The following CDC14A variants were observed in gnomAD, a reference collection of about 807,000 sequenced individuals.
CDC14A encodes dual specificity protein phosphatase CDC14A.
A neutral mutation model predicts 74.4 loss-of-function variants in CDC14A; 53 were observed. The ratio of observed to expected loss-of-function variants is 0.71; its 90% CI spans 0.57 to 0.89. CDC14A has a LOEUF of 0.89. Ranked by LOEUF, CDC14A falls within the 40% of genes least tolerant of loss-of-function variation. CDC14A has a pLI of 0.00. For missense variants in CDC14A, 646 were observed against 713.7 expected, an observed-to-expected ratio of 0.91 and a Z score of 1.08; for synonymous variants, 247 against 258.4, an observed-to-expected ratio of 0.96 and a Z score of 0.43.
intron 5 of CDC14A, among the ~76,000 whole-genome samples, chr1:100,426,661 C>T (rs536898262): frequency 6.6e-6 from 1 of 152,174 alleles, no homozygotes; most frequent in Non-Finnish European, 1.5e-5. Context: ...CCTTGATCCT[C>T]ATCTGTCTAG....
intron 3 of CDC14A, among the ~76,000 whole-genome samples, chr1:100,385,100 G>T (rs571493034): frequency 1.3e-5 from 2 of 152,190 alleles, no homozygotes; most frequent in Non-Finnish European, 2.9e-5. Context: ...CTTTTAAAAG[G>T]CTTATTGCAT....
At chr1:100,428,834 T>C (rs914968534) in intron 5 of CDC14A, among the ~76,000 whole-genome samples, 3 of 152,220 alleles carry the variant, frequency 2.0e-5, no homozygotes, top group Non-Finnish European at 4.4e-5. Context: ...TATTTCTTTG[T>C]TTATTGGTCC....
At chr1:100,410,176 C>T (rs1207352958) in intron 4 of CDC14A, among the ~76,000 whole-genome samples, 2 of 150,616 alleles carry the variant, frequency 1.3e-5, no homozygotes, top group South Asian at 2.1e-4. Context: ...TGTGCTACTG[C>T]ACTCCAGCCT....
At chr1:100,483,283 T>A (rs1005622393) in intron 10 of CDC14A, among the ~76,000 whole-genome samples, 2 of 152,218 alleles carry the variant, frequency 1.3e-5, no homozygotes, top group Non-Finnish European at 2.9e-5. Flanking sequence ...TAATAGCCAT[T>A]CTTACTGGTG....
At chr1:100,510,123 T>C (rs1649605995) in intron 15 of CDC14A, among the ~76,000 whole-genome samples, 2 of 152,204 alleles carry the variant, frequency 1.3e-5, no homozygotes, top group Non-Finnish European at 2.9e-5. Context: ...ATCACTGTTA[T>C]CACCTCCCTT....
intron 5 of CDC14A, among the ~76,000 whole-genome samples, chr1:100,426,440 C>A (rs999997120): frequency 6.6e-6 from 1 of 151,918 alleles, no homozygotes; most frequent in African/African-American, 2.4e-5. Flanking sequence ...ATAATAATAC[C>A]AGAATAGAAG....
chr1:100,407,129 C>T lies in CDC14A; in HGVS notation c.309+16305C>T, dbSNP rs140436752. Among the ~76,000 whole-genome samples the T allele has an allele frequency of 1.8e-3, 270 of 152,160 alleles. 5 individuals carry two copies. The East Asian group carries it at 0.036, about 20-fold the overall frequency. ...TGTAGTACAGTTTGAGGTCAGGTAG[C>T]GTGATGCCTCCAGCTTTGTTCTTTC... On this transcript the variant is annotated intron_variant, in intron 4 of 15. Transcript: ENST00000336454.
At position 100,519,331 on chromosome 1, in the gene CDC14A, T is replaced by C. The variant is rs1650502919; in HGVS notation, c.*1051T>C. ...CAACCCCCTGCTGCACACGCTAGCA[T>C]ATCTGGAACCTACTATGAAAATGAA... On this transcript the variant is annotated 3_prime_UTR_variant, in exon 16 of 16. Transcript: ENST00000336454. 6.6e-6 allele frequency: 1 copy of C among 152,244 alleles called. No homozygotes were observed. The highest frequency in any genetic ancestry group is 2.1e-4 in the South Asian group (1 of 4,830). The allele number at this position is 152,244 out of a possible 1,614,324, so 9.4% of individuals were successfully genotyped here. A position where few individuals can be genotyped will look rare whatever the true frequency, so the allele number is the denominator to read the frequency against.
intron 5 of CDC14A, among the ~76,000 whole-genome samples, chr1:100,435,880 T>C (rs898980973): frequency 2.3e-4 from 35 of 151,310 alleles, no homozygotes; most frequent in African/African-American, 8.1e-4. Flanking sequence ...GAAATCTTGT[T>C]TTAGAGAGGA....
chr1:100,468,129 T>G, intron 10 of CDC14A, 35 bp downstream of exon 10: 3 of 1,611,024 alleles, frequency 1.9e-6, no homozygotes, highest in Non-Finnish European at 2.5e-6. Context: ...CATTATATCC[T>G]GTTCTTGATC....
chr1:100,512,265 C>T (rs994538038), intron 15 of CDC14A, among the ~76,000 whole-genome samples: 4 of 152,080 alleles, frequency 2.6e-5, no homozygotes, highest in African/African-American at 9.7e-5. Context: ...AGAAACATCT[C>T]TTGTTTCCTG....
At chr1:100,494,759 T>A in intron 11 of CDC14A, 59 bp from the exon 12 acceptor site, 1 of 821,318 alleles carries the variant, frequency 1.2e-6, no homozygotes. Flanking sequence ...TGTAGTCTGT[T>A]AAGAAACCTA....
chr1:100,488,489 T>C (rs1670296710), intron 11 of CDC14A, among the ~76,000 whole-genome samples: 1 of 152,248 alleles, frequency 6.6e-6, no homozygotes, highest in South Asian at 2.1e-4. Flanking sequence ...ATTGTGGCTT[T>C]AGTAAATTAT....
chr1:100,463,595 A>G (rs2101227386), intron 9 of CDC14A, among the ~76,000 whole-genome samples: 1 of 152,378 alleles, frequency 6.6e-6, no homozygotes, highest in South Asian at 2.1e-4. Context: ...AAAGTTAGAT[A>G]AACAATGAAT....
intron 2 of CDC14A, among the ~76,000 whole-genome samples, chr1:100,374,719 T>A (rs544937378): frequency 6.6e-6 from 1 of 152,230 alleles, no homozygotes. Context: ...TTTTATGTAA[T>A]GTAATGACAT....
chr1:100,491,182 C>A (rs1043833823), intron 11 of CDC14A, among the ~76,000 whole-genome samples: 5 of 151,880 alleles, frequency 3.3e-5, no homozygotes, highest in Non-Finnish European at 7.4e-5. Context: ...AGCCATAAAA[C>A]GACAGAGATT....
chr1:100,445,167 G>A (rs965846989), intron 7 of CDC14A, among the ~76,000 whole-genome samples: 1 of 152,180 alleles, frequency 6.6e-6, no homozygotes, highest in Admixed American at 6.5e-5. Context: ...AAAGGATATG[G>A]AAGAGTGCTT....
intron 4 of CDC14A, among the ~76,000 whole-genome samples, chr1:100,408,654 A>G (rs184104312): frequency 2.0e-5 from 3 of 152,194 alleles, no homozygotes; most frequent in Admixed American, 6.5e-5. Flanking sequence ...TTTGATTTAC[A>G]TTTCTCTAAT....
upstream of CDC14A, among the ~76,000 whole-genome samples, chr1:100,348,369 A>T (rs1650621637): frequency 6.6e-6 from 1 of 151,738 alleles, no homozygotes; most frequent in Admixed American, 6.6e-5. Flanking sequence ...TCTTTTGCTC[A>T]CATCTGAATC....
Sources: allele counts gnomAD v4.1 joint callset (sites outside exome capture counted in the v4.1 genomes callset), GRCh38; gene constraint gnomAD v4.1.1; transcripts MANE v1.5; gene names NCBI Gene and HGNC (gene_info 2026-07-23, HGNC 2026-07-21).